Variants in GRM3 observed in about 807,000 individuals in gnomAD.
GRM3 encodes the protein glutamate metabotropic receptor 3, also known as metabotropic glutamate receptor 3.
In GRM3, 26 loss-of-function variants were observed where a neutral mutation model predicts 70.5. That is an observed-to-expected ratio of 0.37 (90% CI 0.27 to 0.51). The LOEUF (loss-of-function observed/expected upper bound fraction) is 0.51, where lower values mean the gene tolerates loss of function less well. Among genes scored for constraint, GRM3 ranks in the 20% least tolerant of loss-of-function variants. The pLI is 0.93. For synonymous variants in GRM3, 443 were observed against 434.9 expected (o/e 1.02, Z -0.23); for missense variants, 859 against 1,123.8 (o/e 0.76, Z 3.37).
intron 1 of GRM3, among the ~76,000 whole-genome samples, chr7:86,715,199 C>T (rs140220738): frequency 6.4e-4 from 98 of 152,088 alleles, no homozygotes; most frequent in African/African-American, 2.3e-3. Flanking sequence ...AATATAAATG[C>T]AAAATGACTG....
chr7:86,858,044 C>T (rs1798884226), intron 5 of GRM3, among the ~76,000 whole-genome samples: 2 of 152,106 alleles, frequency 1.3e-5, no homozygotes, highest in Middle Eastern at 3.4e-3. Flanking sequence ...ACAAGCTCTG[C>T]TTCCTGGGTT....
At chr7:86,810,789 C>A (rs1797894256) in intron 3 of GRM3, among the ~76,000 whole-genome samples, 1 of 151,942 alleles carries the variant, frequency 6.6e-6, no homozygotes, top group Non-Finnish European at 1.5e-5. Flanking sequence ...AAGAATATTT[C>A]TTAAAAAGAC....
intron 1 of GRM3, among the ~76,000 whole-genome samples, chr7:86,676,991 C>T (rs933862938): frequency 6.6e-6 from 1 of 151,946 alleles, no homozygotes; most frequent in African/African-American, 2.4e-5. Flanking sequence ...CTTAAATCTG[C>T]ATTCTAAGCC....
At chr7:86,844,371 G>T in intron 4 of GRM3, among the ~76,000 whole-genome samples, 1 of 152,192 alleles carries the variant, frequency 6.6e-6, no homozygotes, top group African/African-American at 2.4e-5. Context: ...AAATATCTTA[G>T]AAAAGAAAAG....
intron 3 of GRM3, among the ~76,000 whole-genome samples, chr7:86,796,855 A>T (rs773518452): frequency 1.3e-5 from 2 of 152,164 alleles, no homozygotes; most frequent in Non-Finnish European, 2.9e-5. Flanking sequence ...TGGTAATTGA[A>T]TCATGGGGGC....
chr7:86,667,857 C>CAATT (rs1463249515), intron 1 of GRM3, among the ~76,000 whole-genome samples: 1 of 152,104 alleles, frequency 6.6e-6, no homozygotes, highest in Non-Finnish European at 1.5e-5. Context: ...CAAGCCAATA[C>CAATT]AATTACCTAC....
At chr7:86,752,079 A>G (rs1002408633) in intron 1 of GRM3, among the ~76,000 whole-genome samples, 1 of 152,118 alleles carries the variant, frequency 6.6e-6, no homozygotes, top group Admixed American at 6.6e-5. Context: ...GACTTTTCAC[A>G]AACTGAACAC....
intron 1 of GRM3, among the ~76,000 whole-genome samples, chr7:86,715,993 A>G (rs544819875): frequency 4.5e-4 from 69 of 152,110 alleles, no homozygotes; most frequent in African/African-American, 1.6e-3. Context: ...AGATTAATAA[A>G]TGATAGTAGC....
intron 1 of GRM3, among the ~76,000 whole-genome samples, chr7:86,725,414 A>G (rs1290754206): frequency 6.6e-6 from 1 of 152,100 alleles, no homozygotes; most frequent in Non-Finnish European, 1.5e-5. Context: ...CAGACTTTTG[A>G]TGTGATACCT....
At chr7:86,707,855 C>T (rs773321096) in intron 1 of GRM3, among the ~76,000 whole-genome samples, 3 of 151,938 alleles carry the variant, frequency 2.0e-5, no homozygotes, top group African/African-American at 4.8e-5. Flanking sequence ...ATTTAACAAA[C>T]GATTATATAA....
intron 1 of GRM3, among the ~76,000 whole-genome samples, chr7:86,672,347 A>C (rs891894002): frequency 6.6e-6 from 1 of 152,190 alleles, no homozygotes; most frequent in Non-Finnish European, 1.5e-5. Context: ...TAAGGTAGGG[A>C]ATATTGAGAA....
At chr7:86,683,112 T>C (rs1794481261) in intron 1 of GRM3, among the ~76,000 whole-genome samples, 1 of 152,084 alleles carries the variant, frequency 6.6e-6, no homozygotes, top group Non-Finnish European at 1.5e-5. Flanking sequence ...AGATGAGCCA[T>C]GGTAGGTTTT....
chr7:86,692,044 C>A (rs976721184), intron 1 of GRM3, among the ~76,000 whole-genome samples: 2 of 152,134 alleles, frequency 1.3e-5, no homozygotes, highest in Non-Finnish European at 2.9e-5. Context: ...TACAAGTTAA[C>A]ATGTGATTTC....
rs7811438 is a variant in GRM3 at position 86,729,917 on chromosome 7, C to T, written c.-140-35089C>T. ...AGTCAAGAGGTCGAGACCATCCTGG[C>T]CAACATGGTGAAACCCTGTCTCTAC... On this transcript the variant is annotated intron_variant, in intron 1 of 5. Transcript: ENST00000361669. 7.1e-3 allele frequency among the ~76,000 whole-genome samples: 1,076 copies of T among 151,858 alleles called. 5 individuals carry two copies. The highest frequency in any genetic ancestry group is 0.01 in the Non-Finnish European group (680 of 67,968).
chr7:86,863,870 G>A (rs765868765), intron 5 of GRM3, among the ~76,000 whole-genome samples: 30 of 152,056 alleles, frequency 2.0e-4, no homozygotes, highest in Non-Finnish European at 3.7e-4. Context: ...CAAATTCCCC[G>A]CCAAGAGGTA....
chr7:86,738,665 A>G (rs915990899), intron 1 of GRM3, among the ~76,000 whole-genome samples: 1 of 152,234 alleles, frequency 6.6e-6, no homozygotes, highest in African/African-American at 2.4e-5. Context: ...CTCCTGATAC[A>G]GTAGATACTG....
At chr7:86,816,131 T>C (rs535939593) in intron 3 of GRM3, among the ~76,000 whole-genome samples, 1 of 151,962 alleles carries the variant, frequency 6.6e-6, no homozygotes, top group East Asian at 1.9e-4. Flanking sequence ...GAATTAAGCA[T>C]TGACAGAGAG....
Position 86,674,874 on chromosome 7 carries a change from A to T in GRM3, c.-141+30002A>T, listed in dbSNP as rs1253633947. 3.3e-5 allele frequency among the ~76,000 whole-genome samples: 5 copies of T among 152,236 alleles called. No homozygotes were observed. In the East Asian group the frequency reaches 9.7e-4, roughly 29 times the overall value. On this transcript the variant is annotated intron_variant, in intron 1 of 5. Coordinates refer to ENST00000361669, the MANE Select transcript of GRM3 (RefSeq NM_000840.3). ...TAGAATTTCTTGCCCTCTGTGAGTG[A>T]CTAAATTATATTCATCTATTAAGTC...
chr7:86,681,406 T>C (rs1331701206), intron 1 of GRM3, among the ~76,000 whole-genome samples: 5 of 152,158 alleles, frequency 3.3e-5, no homozygotes, highest in Non-Finnish European at 7.4e-5. Flanking sequence ...CACGTTTTCT[T>C]TTTCCTCTTT....
Sources: allele counts gnomAD v4.1 joint callset (sites outside exome capture counted in the v4.1 genomes callset), GRCh38; gene constraint gnomAD v4.1.1; transcripts MANE v1.5; gene names NCBI Gene and HGNC (gene_info 2026-07-23, HGNC 2026-07-21).